Variants in WDFY2 observed in about 807,000 individuals in gnomAD.
WDFY2 encodes the protein WD repeat and FYVE domain containing 2, also known as WD repeat and FYVE domain-containing protein 2.
In WDFY2, 36 loss-of-function variants were observed where a neutral mutation model predicts 56.4. That is an observed-to-expected ratio of 0.64 (90% CI 0.49 to 0.84). The LOEUF (loss-of-function observed/expected upper bound fraction) is 0.84, where lower values mean the gene tolerates loss of function less well. Ranked by LOEUF, WDFY2 falls within the 40% of genes least tolerant of loss-of-function variation. WDFY2 has a pLI of 0.00. For missense variants in WDFY2, 444 were observed against 512.2 expected, an observed-to-expected ratio of 0.87 and a Z score of 1.29; for synonymous variants, 176 against 183.7, an observed-to-expected ratio of 0.96 and a Z score of 0.34.
intron 5 of WDFY2, among the ~76,000 whole-genome samples, chr13:51,726,962 A>G (rs1593454571): frequency 6.6e-6 from 1 of 152,176 alleles, no homozygotes; most frequent in Non-Finnish European, 1.5e-5. Flanking sequence ...TTTTTGAGTC[A>G]TAGCTTTTCC....
intron 4 of WDFY2, among the ~76,000 whole-genome samples, chr13:51,717,718 G>A (rs1004866773): frequency 1.3e-5 from 2 of 152,148 alleles, no homozygotes; most frequent in Non-Finnish European, 2.9e-5. Flanking sequence ...TCTCCAAGAA[G>A]TCACATCTTT....
chr13:51,715,651 A>C (rs1952328751), intron 4 of WDFY2, among the ~76,000 whole-genome samples: 1 of 152,222 alleles, frequency 6.6e-6, no homozygotes, highest in South Asian at 2.1e-4. Flanking sequence ...ACTCTAAAAT[A>C]CTGATTTTAA....
chr13:51,741,128 G>A (rs1021217172), intron 7 of WDFY2, among the ~76,000 whole-genome samples: 1 of 152,234 alleles, frequency 6.6e-6, no homozygotes, highest in African/African-American at 2.4e-5. Context: ...CAGTTTCTAA[G>A]TACAGACTTG....
Position 51,723,977 on chromosome 13 carries a change from C to G in WDFY2, c.486-3701C>G, listed in dbSNP as rs117136291. On this transcript the variant is annotated intron_variant, in intron 5 of 11. Coordinates refer to ENST00000298125, the MANE Select transcript of WDFY2 (RefSeq NM_052950.4). The stretch of plus-strand genomic sequence containing the variant: ...TGAAATACAATTATTATAGGAAAAG[C>G]AAGATAAATTCTTATATCTGTCTTT... Among the ~76,000 whole-genome samples, 299 of 152,196 alleles carry G rather than the reference C, an allele frequency of 2.0e-3. 1 individual carries two copies. The highest frequency in any genetic ancestry group is 6.8e-3 in the Middle Eastern group (2 of 294).
intron 3 of WDFY2, among the ~76,000 whole-genome samples, chr13:51,699,285 C>T (rs777637918): frequency 7.9e-5 from 12 of 152,210 alleles, no homozygotes; most frequent in Non-Finnish European, 1.8e-4. Flanking sequence ...ATTCCCTCTC[C>T]ATCCCTTCCT....
intron 7 of WDFY2, among the ~76,000 whole-genome samples, chr13:51,741,192 G>T (rs1952966365): frequency 6.6e-6 from 1 of 152,316 alleles, no homozygotes; most frequent in African/African-American, 2.4e-5. Context: ...ATAGAATCAT[G>T]CCCTTAGAAC....
At chr13:51,691,031 T>G (rs945601807) in intron 3 of WDFY2, among the ~76,000 whole-genome samples, 2 of 152,238 alleles carry the variant, frequency 1.3e-5, no homozygotes, top group Non-Finnish European at 2.9e-5. Context: ...TCACCCACTT[T>G]TTGATGAGGT....
At chr13:51,646,176 C>T (rs1955258708) in intron 1 of WDFY2, among the ~76,000 whole-genome samples, 2 of 152,216 alleles carry the variant, frequency 1.3e-5, no homozygotes, top group African/African-American at 4.8e-5. Context: ...CAAACAAGAA[C>T]AAGCGTGGTT....
At chr13:51,618,208 T>C (rs1954657074) in intron 1 of WDFY2, among the ~76,000 whole-genome samples, 1 of 152,194 alleles carries the variant, frequency 6.6e-6, no homozygotes, top group Non-Finnish European at 1.5e-5. Flanking sequence ...TTTAAGAGAG[T>C]ACAGGAGAGA....
intron 4 of WDFY2, among the ~76,000 whole-genome samples, chr13:51,708,582 A>T (rs1281227430): frequency 1.4e-5 from 1 of 72,408 alleles, no homozygotes; most frequent in African/African-American, 3.1e-5. Flanking sequence ...CCAATTAATT[A>T]AAAAAAAAAA....
At chr13:51,690,770 C>T (rs1956139112) in intron 3 of WDFY2, among the ~76,000 whole-genome samples, 1 of 152,180 alleles carries the variant, frequency 6.6e-6, no homozygotes, top group East Asian at 1.9e-4. Flanking sequence ...GGAATCGCCA[C>T]ACTGACTTCC....
intron 1 of WDFY2, among the ~76,000 whole-genome samples, chr13:51,625,563 A>G (rs1463092834): frequency 6.6e-6 from 1 of 152,240 alleles, no homozygotes; most frequent in Non-Finnish European, 1.5e-5. Context: ...GGCAACCATC[A>G]CTAAAATTCG....
At chr13:51,609,202 C>A (rs1480914348) in intron 1 of WDFY2, among the ~76,000 whole-genome samples, 1 of 152,180 alleles carries the variant, frequency 6.6e-6, no homozygotes, top group South Asian at 2.1e-4. Context: ...CATATAATCA[C>A]CATTCACGTC....
chr13:51,763,465 C>T lies in WDFY2; in HGVS notation c.*3696C>T, dbSNP rs1438023251. The T allele has an allele frequency of 6.6e-6, 1 of 152,214 alleles. No homozygotes were observed. The highest frequency in any genetic ancestry group is 1.5e-5 in the Non-Finnish European group (1 of 68,042). 9.4% of individuals were successfully genotyped at this position (152,214 alleles called of 1,614,324 possible). A position where few individuals can be genotyped will look rare whatever the true frequency, so the allele number is the denominator to read the frequency against. On this transcript the variant is annotated 3_prime_UTR_variant, in exon 12 of 12. Transcript: ENST00000298125. Reference sequence around the variant, plus strand: ...GCGATTCCCAGGCTTACAGCACTGCCCTTATGGAATATCACATTTTCATTT... The same window carrying T: ...GCGATTCCCAGGCTTACAGCACTGCTCTTATGGAATATCACATTTTCATTT...
intron 7 of WDFY2, among the ~76,000 whole-genome samples, chr13:51,746,741 T>G (rs1953114143): frequency 6.6e-6 from 1 of 152,260 alleles, no homozygotes; most frequent in Non-Finnish European, 1.5e-5. Context: ...GGGTTAGAGA[T>G]AGCTTTAAAA....
At chr13:51,585,733 A>G (rs1354937844) in intron 1 of WDFY2, among the ~76,000 whole-genome samples, 5 of 152,240 alleles carry the variant, frequency 3.3e-5, no homozygotes, top group African/African-American at 1.2e-4. Flanking sequence ...CTGTAGAGGT[A>G]CATAACACGG....
At chr13:51,612,133 TA>T (rs774753314) in intron 1 of WDFY2, among the ~76,000 whole-genome samples, 10 of 152,128 alleles carry the variant, frequency 6.6e-5, no homozygotes, top group African/African-American at 1.4e-4. Context: ...AACTGAGAAT[TA>T]CAGAGCTTTA....
At chr13:51,757,786 A>G (rs1443349866) in intron 10 of WDFY2, among the ~76,000 whole-genome samples, 4 of 152,044 alleles carry the variant, frequency 2.6e-5, no homozygotes, top group African/African-American at 9.7e-5. Flanking sequence ...TTTTCCTATT[A>G]GAATGACACT....
intron 3 of WDFY2, among the ~76,000 whole-genome samples, chr13:51,694,928 C>G (rs1421396275): frequency 2.0e-5 from 3 of 151,644 alleles, no homozygotes. Flanking sequence ...TCATTTCATT[C>G]ATTTGATCTT....
Sources: allele counts gnomAD v4.1 joint callset (sites outside exome capture counted in the v4.1 genomes callset), GRCh38; gene constraint gnomAD v4.1.1; transcripts MANE v1.5; gene names NCBI Gene and HGNC (gene_info 2026-07-23, HGNC 2026-07-21).